The following NTNG1 variants were observed in gnomAD, a reference collection of about 807,000 sequenced individuals.
NTNG1 encodes the protein netrin G1, also known as netrin-G1.
In NTNG1, 16 loss-of-function variants were observed where a neutral mutation model predicts 54.0. The ratio of observed to expected loss-of-function variants is 0.30; its 90% CI spans 0.20 to 0.45. NTNG1 has a LOEUF of 0.45. Among genes scored for constraint, NTNG1 ranks in the 20% least tolerant of loss-of-function variants. NTNG1 has a pLI of 1.00. For missense variants in NTNG1, 530 were observed against 678.7 expected (o/e 0.78, Z 2.43); for synonymous variants, 255 against 263.1 (o/e 0.97, Z 0.30).
chr1:107,346,662 A>G (rs1669257794), intron 3 of NTNG1, among the ~76,000 whole-genome samples: 1 of 152,126 alleles, frequency 6.6e-6, no homozygotes, highest in Non-Finnish European at 1.5e-5. Flanking sequence ...AACTTTGATC[A>G]AACTGAGGGG....
At chr1:107,191,830 G>A (rs1359178576) in intron 2 of NTNG1, among the ~76,000 whole-genome samples, 2 of 151,850 alleles carry the variant, frequency 1.3e-5, no homozygotes, top group Non-Finnish European at 2.9e-5. Context: ...GGTTACTGTA[G>A]CCTTGTAGTA....
chr1:107,386,765 T>C (rs1169235776), intron 3 of NTNG1, among the ~76,000 whole-genome samples: 1 of 152,362 alleles, frequency 6.6e-6, no homozygotes, highest in East Asian at 1.9e-4. Flanking sequence ...GTAAAATTTA[T>C]GGGTCATATG....
intron 2 of NTNG1, among the ~76,000 whole-genome samples, chr1:107,190,007 A>G (rs1009563793): frequency 2.0e-5 from 3 of 152,144 alleles, no homozygotes; most frequent in Admixed American, 1.3e-4. Context: ...ATTTTGATAC[A>G]TGCTACAATA....
chr1:107,351,412 G>A (rs1165102410), intron 3 of NTNG1, among the ~76,000 whole-genome samples: 2 of 152,204 alleles, frequency 1.3e-5, no homozygotes, highest in African/African-American at 4.8e-5. Context: ...GCCTCAGAGA[G>A]CTTTTACTCA....
intron 3 of NTNG1, among the ~76,000 whole-genome samples, chr1:107,329,272 G>A (rs1028851046): frequency 6.6e-6 from 1 of 152,168 alleles, no homozygotes; most frequent in Non-Finnish European, 1.5e-5. Flanking sequence ...GACCTGCAAA[G>A]GGCCAGGACC....
chr1:107,266,532 C>T (rs989379250), intron 2 of NTNG1, among the ~76,000 whole-genome samples: 4 of 151,906 alleles, frequency 2.6e-5, no homozygotes, highest in African/African-American at 9.7e-5. Context: ...CATGATCTAA[C>T]TACCTCTCAC....
intron 3 of NTNG1, among the ~76,000 whole-genome samples, chr1:107,371,900 G>A (rs2100994388): frequency 6.6e-6 from 1 of 152,012 alleles, no homozygotes; most frequent in African/African-American, 2.4e-5. Context: ...ATACTTAATG[G>A]TTCAGCATCC....
intron 3 of NTNG1, among the ~76,000 whole-genome samples, chr1:107,330,483 C>T (rs1668214815): frequency 6.6e-6 from 1 of 152,118 alleles, no homozygotes; most frequent in South Asian, 2.1e-4. Flanking sequence ...CATCATATGG[C>T]AGTGGTCTCA....
intron 5 of NTNG1, among the ~76,000 whole-genome samples, chr1:107,429,711 C>T (rs912296601): frequency 1.3e-5 from 2 of 152,120 alleles, no homozygotes; most frequent in Non-Finnish European, 2.9e-5. Context: ...CCTCATATTC[C>T]ATGAAGACAA....
chr1:107,211,578 G>A (rs765995929), intron 2 of NTNG1, among the ~76,000 whole-genome samples: 1 of 152,084 alleles, frequency 6.6e-6, no homozygotes, highest in Non-Finnish European at 1.5e-5. Flanking sequence ...TGCAGCATGA[G>A]GACAAGGTTG....
rs570386942 is a variant in NTNG1, at chr1:107,167,597, G to A, written c.246+18758G>A. ...AAAAATGAGGAAACTGAGGTGAAGA[G>A]GTTAAATGACTTGCCATAAGTCACA... On this transcript the variant is annotated intron_variant, in intron 2 of 7. Coordinates refer to ENST00000370068, the MANE Select transcript of NTNG1 (RefSeq NM_001113226.3). 2.1e-4 allele frequency among the ~76,000 whole-genome samples: 32 copies of A among 151,900 alleles called. No individual in the cohort carries two copies. The South Asian group carries it at 6.3e-3, about 30-fold the overall frequency.
chr1:107,156,511 G>C (rs904581191), intron 2 of NTNG1, among the ~76,000 whole-genome samples: 1 of 152,206 alleles, frequency 6.6e-6, no homozygotes, highest in East Asian at 1.9e-4. Context: ...ATAAAATATT[G>C]TATAGCCACA....
intron 2 of NTNG1, among the ~76,000 whole-genome samples, chr1:107,205,646 C>T (rs1393670926): frequency 4.6e-5 from 7 of 151,656 alleles, no homozygotes; most frequent in African/African-American, 1.5e-4. Flanking sequence ...CTATATAATC[C>T]GTCTAACATA....
chr1:107,351,409 A>G (rs1669591766), intron 3 of NTNG1, among the ~76,000 whole-genome samples: 1 of 152,218 alleles, frequency 6.6e-6, no homozygotes, highest in African/African-American at 2.4e-5. Flanking sequence ...GAGGCCTCAG[A>G]GAGCTTTTAC....
chr1:107,168,203 C>CT (rs1394813992), intron 2 of NTNG1, among the ~76,000 whole-genome samples: 1 of 151,136 alleles, frequency 6.6e-6, no homozygotes, highest in African/African-American at 2.4e-5. Flanking sequence ...TTCTCTTTTT[C>CT]TTTTTTAAGG....
rs1024053814 is a variant in NTNG1, at chr1:107,270,201, T to C, written c.247-54081T>C. Among the ~76,000 whole-genome samples, 5 of 152,370 alleles carry C rather than the reference T, an allele frequency of 3.3e-5. No homozygotes were observed. In the East Asian group the frequency reaches 9.6e-4, roughly 29 times the overall value. ...ATGTGCTGTATATTCTTTTATTATTTTCTTAGCATTTTTTTGACCTGTTAT... is the reference window on the plus strand; with the variant it reads ...ATGTGCTGTATATTCTTTTATTATTCTCTTAGCATTTTTTTGACCTGTTAT... On this transcript the variant is annotated intron_variant, in intron 2 of 7. Coordinates refer to ENST00000370068, the MANE Select transcript of NTNG1 (RefSeq NM_001113226.3).
At chr1:107,379,021 T>C (rs1671481208) in intron 3 of NTNG1, among the ~76,000 whole-genome samples, 1 of 152,232 alleles carries the variant, frequency 6.6e-6, no homozygotes, top group African/African-American at 2.4e-5. Context: ...CATTATCTAA[T>C]GGCATATCTA....
intron 4 of NTNG1, among the ~76,000 whole-genome samples, chr1:107,397,194 A>G (rs1672736296): frequency 6.6e-6 from 1 of 152,130 alleles, no homozygotes; most frequent in Non-Finnish European, 1.5e-5. Context: ...TTCTGTATAC[A>G]TTTTGGACGT....
At chr1:107,264,105 C>T (rs74976279) in intron 2 of NTNG1, among the ~76,000 whole-genome samples, 2,068 of 152,032 alleles carry the variant, frequency 0.014, 48 homozygotes, top group African/African-American at 0.047. Context: ...TAAACAGATC[C>T]ATGCCACCAT....
Sources: gnomAD v4.1 joint callset for allele counts (sites outside exome capture counted in the v4.1 genomes callset) on GRCh38, gnomAD v4.1.1 for gene constraint, MANE v1.5 for transcripts, NCBI Gene and HGNC (gene_info 2026-07-23, HGNC 2026-07-21) for gene names.